The following WFDC5 variants were observed in gnomAD, a reference collection of about 807,000 sequenced individuals.
WFDC5 encodes WAP four-disulfide core domain 5.
WFDC5 carries 15 observed loss-of-function variants against 15.7 expected under a neutral mutation model. That is an observed-to-expected ratio of 0.96 (90% CI 0.64 to 1.47). The LOEUF is 1.47. Among genes scored for constraint, WFDC5 ranks in the 40% most tolerant of loss-of-function variants. WFDC5 has a pLI of 0.00. For missense variants in WFDC5, 280 were observed against 258.0 expected (o/e 1.09, Z -0.59); for synonymous variants, 109 against 107.7 (o/e 1.01, Z -0.07).
At chr20:45,115,324 A>T (rs1245174098), upstream of WFDC5, among the ~76,000 whole-genome samples, 1 of 152,170 alleles carries the variant, frequency 6.6e-6, no homozygotes, top group East Asian at 1.9e-4. Context: ...TCTTGCCTGT[A>T]TCGGTGACTT....
chr20:45,113,631 G>C (rs1175410798), intron 1 of WFDC5, among the ~76,000 whole-genome samples: 1 of 152,214 alleles, frequency 6.6e-6, no homozygotes, highest in African/African-American at 2.4e-5. Context: ...TAAGTCTCCA[G>C]ACCTGTCCTG....
rs775692640 is a variant in WFDC5 at position 45,109,926 on chromosome 20, C to T, written c.481G>A (p.Ala161Thr). 55 of 1,586,586 alleles carry T rather than the reference C, an allele frequency of 3.5e-5. 1 individual carries two copies. The highest frequency in any genetic ancestry group is 2.7e-4 in the South Asian group (24 of 90,506). The change falls in exon 4 of 4, where the codon GCT becomes ACT. Residue 161 changes from alanine to threonine, a missense_variant. By Grantham distance (58) the Ala-to-Thr change is moderately conservative (BLOSUM62 0). Coordinates refer to ENST00000307971, the Ensembl canonical transcript of WFDC5. ...CGCTGGTAGAGATAGTGCTGTCCAG[C>T]GGGCAGGGCCCCAGGCCTCCCATCG...
chr20:45,110,338 G>A, intron 3 of WFDC5, 62 bp downstream of exon 3: 1 of 1,542,830 alleles, frequency 6.5e-7, no homozygotes, highest in Non-Finnish European at 8.7e-7. Flanking sequence ...TAGCAATGAA[G>A]AAAGTATTAG....
At chr20:45,112,349 G>A (rs1289200849) in intron 1 of WFDC5, among the ~76,000 whole-genome samples, 1 of 152,230 alleles carries the variant, frequency 6.6e-6, no homozygotes, top group African/African-American at 2.4e-5. Flanking sequence ...GGGGCCTGGG[G>A]CTGGCCTTGG....
Position 45,110,787 on chromosome 20 carries a change from T to A in WFDC5, c.86-12A>T, listed in dbSNP as rs1156444973. ...GCCCCCCGATTTCTCTGTAAGAGAATCTCCTAATATTGCAGCTGGAGGAAG... is the reference window on the plus strand; with the variant it reads ...GCCCCCCGATTTCTCTGTAAGAGAAACTCCTAATATTGCAGCTGGAGGAAG... On this transcript the variant is annotated splice_polypyrimidine_tract_variant and intron_variant, in intron 1 of 3. Transcript: ENST00000307971. 1 of 1,613,542 alleles carries A rather than the reference T, an allele frequency of 6.2e-7. No individual in the cohort carries two copies. Among genetic ancestry groups the A allele is most frequent in the Admixed American group, 1.7e-5 (1 of 60,018 alleles).
chr20:45,116,211 C>A (rs1015424791), upstream of WFDC5, among the ~76,000 whole-genome samples: 4 of 152,172 alleles, frequency 2.6e-5, no homozygotes, highest in African/African-American at 7.2e-5. Flanking sequence ...GCAGGAAGTT[C>A]TTCCTTGGGT....
chr20:45,111,281 C>T (rs1236997995), intron 1 of WFDC5, among the ~76,000 whole-genome samples: 2 of 107,248 alleles, frequency 1.9e-5, no homozygotes, highest in Admixed American at 8.8e-5. Flanking sequence ...TAGGTCAGCG[C>T]CCCCCCACCC....
chr20:45,110,531 C>T (rs745916089), exon 3 of WFDC5: 2 of 1,614,194 alleles, frequency 1.2e-6, no homozygotes, highest in South Asian at 2.2e-5. Flanking sequence ...TGGGCAGCTG[C>T]CCAGCTTCAC....
At chr20:45,110,146 A>C (rs1168326710) in intron 3 of WFDC5, 133 bp from the exon 4 acceptor site, 3 of 1,354,028 alleles carry the variant, frequency 2.2e-6, no homozygotes, top group Non-Finnish European at 3.0e-6. Context: ...CCCCTTCAAA[A>C]GGGCAAACAG....
At chr20:45,113,622 A>T (rs1401207291) in intron 1 of WFDC5, among the ~76,000 whole-genome samples, 1 of 152,228 alleles carries the variant, frequency 6.6e-6, no homozygotes, top group Non-Finnish European at 1.5e-5. Context: ...TACAAGGAGT[A>T]AGTCTCCAGA....
In WFDC5 at chr20:45,110,559, G is replaced by A. The variant is rs1364670540; in HGVS notation, c.227-19C>T. The A allele has an allele frequency of 1.2e-6, 2 of 1,613,978 alleles. No homozygotes were observed. Among genetic ancestry groups the A allele is most frequent in the Admixed American group, 1.7e-5 (1 of 60,008 alleles). On this transcript the variant is annotated intron_variant, in intron 2 of 3. Coordinates refer to ENST00000307971, the Ensembl canonical transcript of WFDC5. The stretch of plus-strand genomic sequence containing the variant: ...AGCTTCACTGCAACACAGGGAACTG[G>A]GTGAGCTCCGTCCTTGCCCACTGGC...
At chr20:45,114,587 C>T (rs753584365) in intron 1 of WFDC5, among the ~76,000 whole-genome samples, 1 of 152,066 alleles carries the variant, frequency 6.6e-6, no homozygotes, top group African/African-American at 2.4e-5. Flanking sequence ...TGGACAGGCA[C>T]CAAGCTCAGA....
Position 45,110,553 on chromosome 20 carries a change from G to A in WFDC5, c.227-13C>T, listed in dbSNP as rs772884872. ...CTGCCCAGCTTCACTGCAACACAGG[G>A]AACTGGGTGAGCTCCGTCCTTGCCC... On this transcript the variant is annotated splice_polypyrimidine_tract_variant and intron_variant, in intron 2 of 3. Transcript: ENST00000307971. The A allele has an allele frequency of 2.7e-5, 43 of 1,614,124 alleles. No homozygotes were observed. The highest frequency in any genetic ancestry group is 3.1e-5 in the Non-Finnish European group (37 of 1,179,992).
upstream of WFDC5, among the ~76,000 whole-genome samples, chr20:45,116,079 A>G (rs1377426932): frequency 2.6e-5 from 4 of 152,194 alleles, no homozygotes; most frequent in Admixed American, 2.6e-4. Context: ...TGGCCTCCCC[A>G]TCACCCTCAT....
chr20:45,109,782 T>C (rs1431646786), exon 4 of WFDC5: 3 of 726,086 alleles, frequency 4.1e-6, no homozygotes, highest in African/African-American at 1.7e-5. Context: ...ACTGGGGTGA[T>C]ACAGAGGCCT....
intron 1 of WFDC5, among the ~76,000 whole-genome samples, chr20:45,112,965 A>G (rs1249877937): frequency 6.6e-6 from 1 of 152,232 alleles, no homozygotes; most frequent in African/African-American, 2.4e-5. Flanking sequence ...ATACACACAG[A>G]TAGACACTCA....
Position 45,110,626 on chromosome 20 carries a change from G to A in WFDC5, c.226+9C>T, listed in dbSNP as rs377723591. 1.4e-5 allele frequency: 22 copies of A among 1,613,954 alleles called. No homozygotes were observed. The highest frequency in any genetic ancestry group is 1.7e-5 in the Non-Finnish European group (20 of 1,179,998). ...TGGATGGTCAGCAAGGTGGAGGGGAGGCATTTACCAGAGACCCTGGGGACA... is the reference window on the plus strand; with the variant it reads ...TGGATGGTCAGCAAGGTGGAGGGGAAGCATTTACCAGAGACCCTGGGGACA... On this transcript the variant is annotated intron_variant, in intron 2 of 3. Coordinates refer to ENST00000307971, the Ensembl canonical transcript of WFDC5.
chr20:45,110,089 G>GC, intron 3 of WFDC5, 76 bp from the exon 4 acceptor site: 1 of 1,558,794 alleles, frequency 6.4e-7, no homozygotes, highest in Admixed American at 1.8e-5. Context: ...TCCCATCCAT[G>GC]CCCCACCAGC....
intron 3 of WFDC5, 85 bp downstream of exon 3, chr20:45,110,315 C>T: frequency 2.6e-6 from 4 of 1,529,688 alleles, no homozygotes; most frequent in African/African-American, 1.4e-5. Flanking sequence ...GGGGAGGCAT[C>T]CTGTTAAGCT....
Sources: gnomAD v4.1 joint callset for allele counts (sites outside exome capture counted in the v4.1 genomes callset) on GRCh38, gnomAD v4.1.1 for gene constraint, MANE v1.5 for transcripts, NCBI Gene and HGNC (gene_info 2026-07-23, HGNC 2026-07-21) for gene names.